MINDY3: variants seen among roughly 807,000 people sequenced by gnomAD.
MINDY3 encodes the protein MINDY lysine 48 deubiquitinase 3, also known as ubiquitin carboxyl-terminal hydrolase MINDY-3.
Under a neutral mutation model 69.2 loss-of-function variants are expected in MINDY3, and 38 were observed. The observed-to-expected ratio is 0.55, with a 90% CI of 0.42 to 0.72. MINDY3 has a LOEUF of 0.72. Ranked by LOEUF, MINDY3 falls within the 30% of genes least tolerant of loss-of-function variation. MINDY3 has a pLI of 0.00. For synonymous variants in MINDY3, 192 were observed against 180.1 expected, an observed-to-expected ratio of 1.07 and a Z score of -0.53; for missense variants, 522 against 519.0, an observed-to-expected ratio of 1.01 and a Z score of -0.06.
Position 15,800,541 on chromosome 10 carries a change from T to A in MINDY3, c.883-4369A>T, listed in dbSNP as rs528938595. Among the ~76,000 whole-genome samples the A allele has an allele frequency of 2.0e-5, 3 of 152,206 alleles. No homozygotes were observed. In the South Asian group the frequency reaches 6.2e-4, roughly 32 times the overall value. On this transcript the variant is annotated intron_variant, in intron 10 of 14. Transcript: ENST00000277632. ...TTCCACATCACAGTAAAAAGTGATC[T>A]TAAGCAGTTCTCACATACTTTTCAT...
intron 13 of MINDY3, among the ~76,000 whole-genome samples, chr10:15,785,981 A>G (rs1407192923): frequency 2.0e-5 from 3 of 152,196 alleles, no homozygotes; most frequent in Non-Finnish European, 2.9e-5. Flanking sequence ...CTTAGAGAAC[A>G]AAGACAGAAA....
At position 15,851,844 on chromosome 10, in the gene MINDY3, C is replaced by T. The variant is rs530434063; in HGVS notation, c.95-3901G>A. On this transcript the variant is annotated intron_variant, in intron 1 of 14. Transcript: ENST00000277632. ...TTGCAATTAAAATAAAACCCAAACT[C>T]CTTTCTGTGGTCTAGAAGACACTGT... Among the ~76,000 whole-genome samples, 4 of 152,200 alleles carry T rather than the reference C, an allele frequency of 2.6e-5. No homozygotes were observed. In the South Asian group the frequency reaches 6.2e-4, roughly 24 times the overall value.
intron 1 of MINDY3, among the ~76,000 whole-genome samples, chr10:15,856,096 C>T (rs891418762): frequency 7.1e-6 from 1 of 141,756 alleles, no homozygotes; most frequent in Admixed American, 6.8e-5. Context: ...AACAAAAAAA[C>T]TTTTAAACGA....
intron 11 of MINDY3, 23 bp from the exon 12 acceptor site, chr10:15,789,342 C>A: frequency 6.4e-7 from 1 of 1,573,632 alleles, no homozygotes; most frequent in Non-Finnish European, 8.7e-7. Flanking sequence ...AAATCAGAAA[C>A]AACTTGAAAT....
At position 15,860,406 on chromosome 10, in the gene MINDY3, T is replaced by C. The variant is rs1024501733; in HGVS notation, c.-107A>G. ...CTGCGGGACGGCGGCGGCAAACGAA[T>C]TGGAAGGTGAGGCAGGAAAGAAGAA... On this transcript the variant is annotated 5_prime_UTR_variant, in exon 1 of 15. Coordinates refer to ENST00000277632, the MANE Select transcript of MINDY3 (RefSeq NM_024948.4). 5.0e-6 allele frequency: 4 copies of C among 807,886 alleles called. No homozygotes were observed. Among genetic ancestry groups the C allele is most frequent in the Admixed American group, 2.1e-5 (1 of 47,374 alleles). The allele number at this position is 807,886 out of a possible 1,614,324, so 50.0% of individuals were successfully genotyped here.
chr10:15,794,230 G>A (rs1837638715), intron 11 of MINDY3, among the ~76,000 whole-genome samples: 1 of 152,080 alleles, frequency 6.6e-6, no homozygotes. Context: ...GTAAATGCTT[G>A]TAAGAACTTT....
chr10:15,851,625 C>T (rs1375880547), intron 1 of MINDY3, among the ~76,000 whole-genome samples: 1 of 152,076 alleles, frequency 6.6e-6, no homozygotes, highest in Non-Finnish European at 1.5e-5. Flanking sequence ...TCCATCCCAT[C>T]TCCAGTCCAC....
intron 10 of MINDY3, among the ~76,000 whole-genome samples, chr10:15,807,327 G>A (rs1019012980): frequency 6.6e-6 from 1 of 152,144 alleles, no homozygotes; most frequent in Non-Finnish European, 1.5e-5. Context: ...AGAAAGAACA[G>A]GAGCAACAAG....
chr10:15,841,390 A>G, intron 4 of MINDY3, 36 bp downstream of exon 4: 3 of 1,540,266 alleles, frequency 1.9e-6, no homozygotes, highest in Non-Finnish European at 2.6e-6. Flanking sequence ...ACAAAGGAAC[A>G]AGAAAAAAAC....
chr10:15,840,860 C>T (rs2132085362), intron 4 of MINDY3, among the ~76,000 whole-genome samples: 1 of 151,426 alleles, frequency 6.6e-6, no homozygotes, highest in African/African-American at 2.4e-5. Flanking sequence ...ATGAGAATAG[C>T]TATTATTTAA....
intron 1 of MINDY3, among the ~76,000 whole-genome samples, chr10:15,853,252 A>G (rs1405182410): frequency 6.6e-6 from 1 of 152,168 alleles, no homozygotes; most frequent in Non-Finnish European, 1.5e-5. Context: ...AAGTCCTGAA[A>G]AAGAGCTGAG....
At chr10:15,813,628 T>G (rs1839160469) in intron 10 of MINDY3, among the ~76,000 whole-genome samples, 1 of 152,156 alleles carries the variant, frequency 6.6e-6, no homozygotes, top group Non-Finnish European at 1.5e-5. Context: ...CCTGGCATAA[T>G]GCCAGGCACA....
chr10:15,786,216 C>T (rs1304515497), intron 13 of MINDY3, among the ~76,000 whole-genome samples: 1 of 152,156 alleles, frequency 6.6e-6, no homozygotes, highest in Non-Finnish European at 1.5e-5. Context: ...ACCTTGACCT[C>T]TTCTCACAGT....
intron 2 of MINDY3, among the ~76,000 whole-genome samples, 183 bp downstream of exon 2, chr10:15,847,681 C>T (rs1318825096): frequency 2.6e-5 from 4 of 152,152 alleles, no homozygotes; most frequent in Admixed American, 1.3e-4. Flanking sequence ...TACTATTGCA[C>T]AACTCATCGA....
At position 15,833,722 on chromosome 10, in the gene MINDY3, A is replaced by G. The variant is rs781286589; in HGVS notation, c.651-13T>C. Reference sequence around the variant, plus strand: ...AATTAAACTTTGGCTATTAATAAATATTAAAAAGCAATTAAATATGAATAT... The same window carrying G: ...AATTAAACTTTGGCTATTAATAAATGTTAAAAAGCAATTAAATATGAATAT... On this transcript the variant is annotated splice_polypyrimidine_tract_variant and intron_variant, in intron 7 of 14. Transcript: ENST00000277632. The G allele has an allele frequency of 6.5e-7, 1 of 1,537,060 alleles. No homozygotes were observed. Among genetic ancestry groups the G allele is most frequent in the Non-Finnish European group, 9.0e-7 (1 of 1,110,928 alleles).
rs1389499757 is a variant in MINDY3 at position 15,789,655 on chromosome 10, CAAAGT to C, written c.956-341_956-337del. 1.1e-4 allele frequency among the ~76,000 whole-genome samples: 16 copies of C among 152,160 alleles called. No individual in the cohort carries two copies. The South Asian group carries it at 3.3e-3, about 32-fold the overall frequency. ...AATCTTAGGTTTATCTTTCAATAAA[CAAAGT>C]AAACCTTTACATTTGCATTTAACAA... On this transcript the variant is annotated intron_variant, in intron 11 of 14. Coordinates refer to ENST00000277632, the MANE Select transcript of MINDY3 (RefSeq NM_024948.4).
intron 14 of MINDY3, among the ~76,000 whole-genome samples, chr10:15,780,951 G>A (rs747772616): frequency 2.6e-5 from 4 of 152,038 alleles, no homozygotes; most frequent in South Asian, 4.2e-4. Context: ...TGATCTCCCC[G>A]TCTCAGATGC....
At chr10:15,845,083 T>C (rs1412378677) in intron 2 of MINDY3, among the ~76,000 whole-genome samples, 2 of 146,842 alleles carry the variant, frequency 1.4e-5, no homozygotes, top group East Asian at 1.9e-4. Flanking sequence ...AAGTCTCTGT[T>C]TCTCTTAGAG....
chr10:15,834,845 G>A (rs1341047440), intron 6 of MINDY3, among the ~76,000 whole-genome samples: 8 of 151,986 alleles, frequency 5.3e-5, no homozygotes, highest in Admixed American at 4.6e-4. Context: ...ACTCATGGGT[G>A]AAATATGTAC....
Sources: allele counts gnomAD v4.1 joint callset (sites outside exome capture counted in the v4.1 genomes callset), GRCh38; gene constraint gnomAD v4.1.1; transcripts MANE v1.5; gene names NCBI Gene and HGNC (gene_info 2026-07-23, HGNC 2026-07-21).